Variants in PALLD observed in about 807,000 individuals in gnomAD.
PALLD encodes palladin, cytoskeletal associated protein.
PALLD carries 61 observed loss-of-function variants against 123.5 expected under a neutral mutation model. That is an observed-to-expected ratio of 0.49 (90% CI 0.40 to 0.61). The LOEUF (loss-of-function observed/expected upper bound fraction) is 0.61, where lower values mean the gene tolerates loss of function less well. Ranked by LOEUF, PALLD falls within the 20% of genes least tolerant of loss-of-function variation. The probability of loss-of-function intolerance (pLI) is 0.00; values close to 1 mark genes in which losing one functional copy is unlikely to be tolerated. For missense variants in PALLD, 1,273 were observed against 1,377.0 expected (o/e 0.92, Z 1.20); for synonymous variants, 465 against 496.4 (o/e 0.94, Z 0.84).
intron 10 of PALLD, among the ~76,000 whole-genome samples, chr4:168,712,748 A>T (rs1012401760): frequency 6.6e-6 from 1 of 152,180 alleles, no homozygotes; most frequent in East Asian, 1.9e-4. Context: ...TCACATTCCC[A>T]TGAGAATGTA....
intron 10 of PALLD, among the ~76,000 whole-genome samples, chr4:168,808,194 A>T (rs1405470356): frequency 6.6e-6 from 1 of 151,518 alleles, no homozygotes; most frequent in Non-Finnish European, 1.5e-5. Flanking sequence ...TAAGAATATA[A>T]GGGGGGCCAG....
intron 10 of PALLD, among the ~76,000 whole-genome samples, chr4:168,810,546 C>T (rs1020217499): frequency 6.6e-6 from 1 of 152,002 alleles, no homozygotes; most frequent in Admixed American, 6.6e-5. Flanking sequence ...ATCCCAGCTA[C>T]TCAGGAGGCT....
chr4:168,600,000 CACGTATAT>C (rs1171527124), intron 2 of PALLD, among the ~76,000 whole-genome samples: 5 of 134,752 alleles, frequency 3.7e-5, no homozygotes, highest in South Asian at 4.6e-4. Flanking sequence ...TGTATACACA[CACGTATAT>C]ACATACATGT....
At chr4:168,690,467 T>C in intron 6 of PALLD, 136 bp from the exon 7 acceptor site, 2 of 1,068,490 alleles carry the variant, frequency 1.9e-6, no homozygotes, top group East Asian at 2.4e-5. Flanking sequence ...GTGCTAATTA[T>C]TTGATGATGC....
intron 10 of PALLD, among the ~76,000 whole-genome samples, chr4:168,859,165 G>C (rs1216698433): frequency 2.0e-5 from 3 of 152,150 alleles, no homozygotes; most frequent in Non-Finnish European, 4.4e-5. Flanking sequence ...TTTCACGTGA[G>C]AGAAAAGTCA....
chr4:168,877,803 CG>C, intron 10 of PALLD: 1 of 1,241,900 alleles, frequency 8.1e-7, no homozygotes, highest in South Asian at 3.2e-5. Context: ...CCGCCAGCCC[CG>C]CGCAGCGCGC....
At chr4:168,593,360 T>C (rs1771634018) in intron 2 of PALLD, among the ~76,000 whole-genome samples, 1 of 150,004 alleles carries the variant, frequency 6.7e-6, no homozygotes, top group South Asian at 2.1e-4. Context: ...CTCTCAGCTC[T>C]ACCTTTTCTG....
intron 8 of PALLD, 91 bp from the exon 9 acceptor site, chr4:168,708,937 T>C (rs997991926): frequency 1.3e-5 from 14 of 1,085,324 alleles, no homozygotes; most frequent in Non-Finnish European, 1.7e-5. Flanking sequence ...ATAACCTAAT[T>C]TGTTTGTTGT....
chr4:168,819,706 T>A (rs970359166), intron 10 of PALLD, among the ~76,000 whole-genome samples: 8 of 152,224 alleles, frequency 5.3e-5, no homozygotes, highest in African/African-American at 1.9e-4. Context: ...GAAAATTAAT[T>A]GCGACTTAGA....
chr4:168,815,668 A>G (rs6824819), intron 10 of PALLD, among the ~76,000 whole-genome samples: 122,128 of 152,212 alleles, frequency 0.8, 49,889 homozygotes, highest in African/African-American at 0.95. Flanking sequence ...AGTGGAAACT[A>G]TAAAGGTTGG....
At chr4:168,594,874 C>T (rs1392664701) in intron 2 of PALLD, among the ~76,000 whole-genome samples, 1 of 152,132 alleles carries the variant, frequency 6.6e-6, no homozygotes, top group Non-Finnish European at 1.5e-5. Context: ...GTTAACATAA[C>T]TAACTCTATG....
At chr4:168,608,143 C>T (rs560136660) in intron 2 of PALLD, among the ~76,000 whole-genome samples, 93 of 152,300 alleles carry the variant, frequency 6.1e-4, no homozygotes, top group African/African-American at 2.0e-3. Context: ...AGAGCAGGGT[C>T]GCATTGGGAG....
At chr4:168,635,826 A>G (rs887671502) in intron 2 of PALLD, among the ~76,000 whole-genome samples, 2 of 152,184 alleles carry the variant, frequency 1.3e-5, no homozygotes, top group African/African-American at 4.8e-5. Context: ...CCAGGGATTT[A>G]AAGGAAAACA....
intron 10 of PALLD, among the ~76,000 whole-genome samples, chr4:168,859,420 T>A (rs919443657): frequency 6.6e-6 from 1 of 152,292 alleles, no homozygotes; most frequent in East Asian, 1.9e-4. Flanking sequence ...TGTCAATGGG[T>A]AGCACCGACG....
chr4:168,520,299 C>G (rs1299285158), intron 2 of PALLD, among the ~76,000 whole-genome samples: 2 of 139,236 alleles, frequency 1.4e-5, no homozygotes, highest in Admixed American at 7.8e-5. Flanking sequence ...GCACTCCAGG[C>G]TGGGTGACAG....
chr4:168,652,575 T>A (rs1014512466), intron 2 of PALLD, among the ~76,000 whole-genome samples: 52 of 152,300 alleles, frequency 3.4e-4, no homozygotes, highest in African/African-American at 9.9e-4. Flanking sequence ...GTCAATGAAA[T>A]AAGGCTAAAA....
At chr4:168,903,686 C>T (rs959701222) in intron 14 of PALLD, 71 bp from the exon 15 acceptor site, 2 of 1,275,670 alleles carry the variant, frequency 1.6e-6, no homozygotes, top group Non-Finnish European at 2.3e-6. Flanking sequence ...CACACTGTTA[C>T]TATTTTCAGT....
rs1178801747 is a variant in PALLD at position 168,891,069 on chromosome 4, T to G, written c.2100+12T>G. 1.7e-5 allele frequency: 27 copies of G among 1,613,992 alleles called. No individual in the cohort carries two copies. Among genetic ancestry groups the G allele is most frequent in the Non-Finnish European group, 2.3e-5 (27 of 1,179,918 alleles). ...ACAATGGCCAGCCGGTACTGATAGA[T>G]TTGGGACCTGGACTTGGAATGTTAG... On this transcript the variant is annotated intron_variant, in intron 11 of 21. Transcript: ENST00000505667.
At chr4:168,667,290 G>A (rs926999063) in intron 2 of PALLD, among the ~76,000 whole-genome samples, 4 of 152,152 alleles carry the variant, frequency 2.6e-5, no homozygotes, top group African/African-American at 9.7e-5. Context: ...CTCATTAAGA[G>A]CTAAATGGAC....
Sources: allele counts gnomAD v4.1 joint callset (sites outside exome capture counted in the v4.1 genomes callset), GRCh38; gene constraint gnomAD v4.1.1; transcripts MANE v1.5; gene names NCBI Gene and HGNC (gene_info 2026-07-23, HGNC 2026-07-21).